The following IPO11 variants were observed in gnomAD, a reference collection of about 807,000 sequenced individuals.
IPO11 encodes importin-11.
IPO11 carries 66 observed loss-of-function variants against 143.2 expected under a neutral mutation model. That is an observed-to-expected ratio of 0.46 (90% CI 0.38 to 0.57). The LOEUF (loss-of-function observed/expected upper bound fraction) is 0.57. Ranked by LOEUF, IPO11 falls within the 20% of genes least tolerant of loss-of-function variation. The pLI is 0.00. For missense variants in IPO11, 1,026 were observed against 1,141.0 expected (o/e 0.90, Z 1.45); for synonymous variants, 385 against 377.8 (o/e 1.02, Z -0.22).
At chr5:62,612,820 C>T (rs1745975121) in intron 29 of IPO11, among the ~76,000 whole-genome samples, 1 of 152,170 alleles carries the variant, frequency 6.6e-6, no homozygotes, top group Non-Finnish European at 1.5e-5. Context: ...TCTTGAAAGA[C>T]ATTGAGATTG....
intron 1 of IPO11, among the ~76,000 whole-genome samples, chr5:62,414,443 G>T (rs1743221633): frequency 6.6e-6 from 1 of 152,106 alleles, no homozygotes; most frequent in Non-Finnish European, 1.5e-5. Context: ...TAGTGTTATT[G>T]ATGGTAATAT....
chr5:62,597,122 AAAAG>A (rs1253065395), intron 28 of IPO11, among the ~76,000 whole-genome samples: 1 of 152,200 alleles, frequency 6.6e-6, no homozygotes, highest in Non-Finnish European at 1.5e-5. Flanking sequence ...GAGACAGTGC[AAAAG>A]AAAGCACATG....
At chr5:62,486,067 G>A (rs1371134392) in intron 12 of IPO11, among the ~76,000 whole-genome samples, 1 of 147,556 alleles carries the variant, frequency 6.8e-6, no homozygotes, top group East Asian at 2.0e-4. Context: ...TGCAAGCTCC[G>A]CCCCCTGGGT....
chr5:62,587,974 T>C (rs530119614), intron 27 of IPO11, among the ~76,000 whole-genome samples: 4 of 152,306 alleles, frequency 2.6e-5, no homozygotes, highest in African/African-American at 7.2e-5. Context: ...ACCAGCTCTG[T>C]GTGTTCTCTA....
intron 20 of IPO11, among the ~76,000 whole-genome samples, chr5:62,522,881 C>T (rs189397596): frequency 6.6e-6 from 1 of 152,192 alleles, no homozygotes; most frequent in Non-Finnish European, 1.5e-5. Flanking sequence ...CATCAAACTG[C>T]TTTCTAAACA....
chr5:62,419,153 T>C, intron 1 of IPO11: 1 of 1,544,034 alleles, frequency 6.5e-7, no homozygotes. Flanking sequence ...TTTAAACATG[T>C]CTAAACTTAG....
intron 3 of IPO11, among the ~76,000 whole-genome samples, chr5:62,448,194 T>C (rs1744787491): frequency 6.6e-6 from 1 of 152,074 alleles, no homozygotes; most frequent in African/African-American, 2.4e-5. Flanking sequence ...TTCAGTCTGA[T>C]AACAAGATAG....
At chr5:62,445,987 TAGG>T (rs1215573015) in intron 3 of IPO11, among the ~76,000 whole-genome samples, 3 of 152,170 alleles carry the variant, frequency 2.0e-5, no homozygotes, top group Admixed American at 6.6e-5. Context: ...CAAAATATTG[TAGG>T]AGAACACATT....
chr5:62,470,977 A>G (rs780185124), intron 7 of IPO11, among the ~76,000 whole-genome samples: 1 of 150,992 alleles, frequency 6.6e-6, no homozygotes, highest in Non-Finnish European at 1.5e-5. Flanking sequence ...ACAGGCATGC[A>G]CCACCATGCC....
intron 29 of IPO11, among the ~76,000 whole-genome samples, chr5:62,608,176 T>G (rs1745797053): frequency 6.6e-6 from 1 of 152,100 alleles, no homozygotes; most frequent in Non-Finnish European, 1.5e-5. Context: ...CTCATCACAG[T>G]CTCTTCTTCC....
intron 27 of IPO11, chr5:62,575,930 C>T (rs1324373032): frequency 6.6e-6 from 1 of 152,158 alleles, no homozygotes; most frequent in Non-Finnish European, 1.5e-5. Context: ...CACAAGTCCA[C>T]TTTATTTACC....
chr5:62,486,638 A>T (rs1746416463), intron 12 of IPO11, among the ~76,000 whole-genome samples: 1 of 152,190 alleles, frequency 6.6e-6, no homozygotes, highest in African/African-American at 2.4e-5. Flanking sequence ...TTGTCTTCTA[A>T]AAATGTTATC....
chr5:62,417,250 GC>G (rs1440368042), intron 1 of IPO11, among the ~76,000 whole-genome samples: 4 of 147,148 alleles, frequency 2.7e-5, no homozygotes, highest in African/African-American at 1.0e-4. Flanking sequence ...GTGCCACCAT[GC>G]CCAGCTTATT....
At chr5:62,609,132 C>T (rs1745838600) in intron 29 of IPO11, among the ~76,000 whole-genome samples, 2 of 152,218 alleles carry the variant, frequency 1.3e-5, no homozygotes, top group Admixed American at 1.3e-4. Context: ...AACTCCACGT[C>T]CTGCCAGATC....
intron 29 of IPO11, among the ~76,000 whole-genome samples, chr5:62,617,452 A>C (rs1746182262): frequency 6.6e-6 from 1 of 152,228 alleles, no homozygotes; most frequent in Non-Finnish European, 1.5e-5. Context: ...TAATAGAATT[A>C]AAGGCAGTGC....
chr5:62,490,872 C>T (rs62375044), intron 15 of IPO11, among the ~76,000 whole-genome samples: 5 of 152,158 alleles, frequency 3.3e-5, no homozygotes, highest in Admixed American at 2.0e-4. Context: ...TCTTGTGCCT[C>T]AGTCTCCTGA....
Position 62,525,254 on chromosome 5 carries a change from T to C in IPO11, c.1897-888T>C, listed in dbSNP as rs148325722. On this transcript the variant is annotated intron_variant, in intron 20 of 29. Coordinates refer to ENST00000325324, the MANE Select transcript of IPO11 (RefSeq NM_016338.5). ...TATATCATATACAGATATCTAGATA[T>C]TTAAAAAAATTCTTTGACATGTGGA... Among the ~76,000 whole-genome samples the C allele has an allele frequency of 4.1e-3, 628 of 152,324 alleles. 4 individuals are homozygous for C. Among genetic ancestry groups the C allele is most frequent in the African/African-American group, 0.015 (606 of 41,574 alleles).
intron 24 of IPO11, among the ~76,000 whole-genome samples, chr5:62,544,265 G>A (rs1231729922): frequency 6.6e-6 from 1 of 151,926 alleles, no homozygotes; most frequent in African/African-American, 2.4e-5. Flanking sequence ...ATGATCAAGT[G>A]GGCTTCATCC....
Position 62,606,930 on chromosome 5 carries a change from A to G in IPO11, c.2763+5082A>G, listed in dbSNP as rs952932040. On this transcript the variant is annotated intron_variant, in intron 29 of 29. Coordinates refer to ENST00000325324, the MANE Select transcript of IPO11 (RefSeq NM_016338.5). ...TTGCATTTTATTTGATGAATTTATA[A>G]GTACATCCTAAGTTTCATGCCAAAT... is the stretch of plus-strand genomic sequence containing the variant. Among the ~76,000 whole-genome samples the G allele has an allele frequency of 2.6e-5, 4 of 152,220 alleles. No individual in the cohort carries two copies. In the South Asian group the frequency reaches 8.3e-4, roughly 32 times the overall value.
Sources: allele counts gnomAD v4.1 joint callset (sites outside exome capture counted in the v4.1 genomes callset), GRCh38; gene constraint gnomAD v4.1.1; transcripts MANE v1.5; gene names NCBI Gene and HGNC (gene_info 2026-07-23, HGNC 2026-07-21).